DROSHA: variants seen among roughly 807,000 people sequenced by gnomAD.
The protein encoded by DROSHA is ribonuclease 3.
In DROSHA, 56 loss-of-function variants were observed where a neutral mutation model predicts 181.9. The ratio of observed to expected loss-of-function variants is 0.31; its 90% CI spans 0.25 to 0.38. The LOEUF is 0.38. DROSHA is among the 10% of genes least tolerant of loss of function. DROSHA has a pLI of 1.00. For synonymous variants in DROSHA, 524 were observed against 591.2 expected (o/e 0.89, Z 1.65); for missense variants, 1,218 against 1,743.5 (o/e 0.70, Z 5.37).
intron 20 of DROSHA, among the ~76,000 whole-genome samples, chr5:31,462,566 G>GA (rs1748522696): frequency 6.7e-6 from 1 of 149,800 alleles, no homozygotes; most frequent in Admixed American, 6.7e-5. Context: ...GTAGAGGAAG[G>GA]ACATTTGTGA....
chr5:31,511,729 A>G (rs984496956), intron 8 of DROSHA, among the ~76,000 whole-genome samples: 1 of 151,810 alleles, frequency 6.6e-6, no homozygotes. Flanking sequence ...GAAACATTAG[A>G]ACAGTTCATC....
chr5:31,424,470 T>G lies in DROSHA; in HGVS notation c.3218A>C (p.Asp1073Ala), dbSNP rs1394064377. ...ATAATTGAGCCAGACTTCGCGCAGG[T>G]CCTGGAAAATGGAGTGATGCCTTTA... ...LFGRLLFNDP[D>A]LREVWLNYPL... is the part of the protein sequence containing the mutation. Residue 1073 changes from aspartate to alanine, a missense_variant and splice_region_variant, in exon 28 of 36, where the codon GAC becomes GCC. By Grantham distance (126) the Asp-to-Ala change is moderately radical (BLOSUM62 -2). Coordinates refer to ENST00000344624, the MANE Select transcript of DROSHA (RefSeq NM_001382508.1). 7 of 1,592,046 alleles carry G rather than the reference T, an allele frequency of 4.4e-6. No homozygotes were observed. Among genetic ancestry groups the G allele is most frequent in the Middle Eastern group, 1.6e-4 (1 of 6,064 alleles).
At chr5:31,419,415 T>G (rs1412369098) in intron 30 of DROSHA, among the ~76,000 whole-genome samples, 1 of 152,144 alleles carries the variant, frequency 6.6e-6, no homozygotes, top group East Asian at 1.9e-4. Context: ...TTAAATACAT[T>G]TTGGATAAAA....
At chr5:31,484,766 A>G in intron 15 of DROSHA, 115 bp downstream of exon 15, 1 of 710,630 alleles carries the variant, frequency 1.4e-6, no homozygotes, top group Middle Eastern at 4.0e-4. Flanking sequence ...TTCTCTGGGT[A>G]TTTAAAAAAT....
chr5:31,424,514 T>A, intron 27 of DROSHA, 43 bp from the exon 28 acceptor site: 1 of 1,561,982 alleles, frequency 6.4e-7, no homozygotes. Context: ...GGGAGCCATT[T>A]AACGCACTCT....
rs1014345240 is a variant in DROSHA, at chr5:31,525,979, A to T, written c.854+100T>A. 8 of 1,163,356 alleles carry T rather than the reference A, an allele frequency of 6.9e-6. No individual in the cohort carries two copies. The Admixed American group carries it at 1.6e-4, about 23-fold the overall frequency. 72.1% of individuals were successfully genotyped at this position (1,163,356 alleles called of 1,614,324 possible). On this transcript the variant is annotated intron_variant, in intron 5 of 35. Coordinates refer to ENST00000344624, the MANE Select transcript of DROSHA (RefSeq NM_001382508.1). ...GTGCTTCCTTTCCTTACATAAATCA[A>T]GATGCCCTACTGGATCCTTTTGGTT...
chr5:31,459,133 T>A (rs1408625115), intron 20 of DROSHA, among the ~76,000 whole-genome samples: 2 of 152,230 alleles, frequency 1.3e-5, no homozygotes, highest in African/African-American at 4.8e-5. Flanking sequence ...AGGTATTTGA[T>A]GATATTACAG....
chr5:31,412,901 T>C (rs1310484772), intron 30 of DROSHA, among the ~76,000 whole-genome samples: 2 of 152,148 alleles, frequency 1.3e-5, no homozygotes, highest in Non-Finnish European at 2.9e-5. Flanking sequence ...AAGTAGAGGC[T>C]GTGGGGGAAT....
In DROSHA at chr5:31,511,042, T is replaced by G; in HGVS notation, c.1425A>C (p.Glu475Asp). The change falls in exon 9 of 36, where the codon GAA becomes GAC. Residue 475 changes from glutamate (E) to aspartate (D), a missense_variant. By Grantham distance (45) the Glu-to-Asp change is conservative (BLOSUM62 2). Coordinates refer to ENST00000344624, the MANE Select transcript of DROSHA (RefSeq NM_001382508.1). ...TTAGTGACTCTGACTCACCTAAATC[T>G]TCATCGAGCTTCGTCTTTGGAGGTT... is the stretch of plus-strand genomic sequence containing the variant. ...PWEPPKTKLD[E>D]DLESSSESEC... 3 of 1,613,940 alleles carry G rather than the reference T, an allele frequency of 1.9e-6. No homozygotes were observed. The highest frequency in any genetic ancestry group is 2.5e-6 in the Non-Finnish European group (3 of 1,179,862).
intron 10 of DROSHA, among the ~76,000 whole-genome samples, chr5:31,504,885 A>G (rs1737724783): frequency 6.6e-6 from 1 of 152,212 alleles, no homozygotes; most frequent in Non-Finnish European, 1.5e-5. Context: ...GAAAATATCA[A>G]TGTCAGCACA....
At chr5:31,421,155 T>C in intron 30 of DROSHA, 117 bp downstream of exon 30, 1 of 787,992 alleles carries the variant, frequency 1.3e-6, no homozygotes, top group East Asian at 2.5e-5. Context: ...ACAAAGCCAA[T>C]GATAAGCTAA....
rs1201089736 is a variant in DROSHA at position 31,484,858 on chromosome 5, C to A, written c.1996+23G>T. On this transcript the variant is annotated intron_variant, in intron 15 of 35. Coordinates refer to ENST00000344624, the MANE Select transcript of DROSHA (RefSeq NM_001382508.1). ...AATGTTCTTCCATAAACACTACTCT[C>A]TTCTTTAAATCCTATTACTTACCTT... 7 of 1,482,238 alleles carry A rather than the reference C, an allele frequency of 4.7e-6. No homozygotes were observed. The East Asian group carries it at 1.7e-4, about 37-fold the overall frequency. The allele number at this position is 1,482,238 out of a possible 1,614,324, so 91.8% of individuals were successfully genotyped here.
At chr5:31,429,696 T>C (rs1467328610) in intron 26 of DROSHA, among the ~76,000 whole-genome samples, 151 bp from the exon 27 acceptor site, 1 of 152,188 alleles carries the variant, frequency 6.6e-6, no homozygotes, top group African/African-American at 2.4e-5. Context: ...AAGGTGACAT[T>C]TCCCCTTTTT....
chr5:31,519,264 A>G (rs1400119070), intron 6 of DROSHA, among the ~76,000 whole-genome samples: 4 of 152,054 alleles, frequency 2.6e-5, no homozygotes, highest in Non-Finnish European at 5.9e-5. Context: ...TAGGTCCTCA[A>G]TGATGTCCAC....
At chr5:31,493,937 T>TTGTGTG (rs67311624) in intron 12 of DROSHA, among the ~76,000 whole-genome samples, 3,361 of 144,578 alleles carry the variant, frequency 0.023, 109 homozygotes, top group East Asian at 0.1. Context: ...TAACCCACCA[T>TTGTGTG]TGTGTGTGTG....
At chr5:31,463,366 C>A (rs1280462339) in intron 20 of DROSHA, among the ~76,000 whole-genome samples, 1 of 152,112 alleles carries the variant, frequency 6.6e-6, no homozygotes, top group Non-Finnish European at 1.5e-5. Flanking sequence ...AAAGCCAACA[C>A]TGATTTTTTA....
chr5:31,501,465 C>A (rs1353864943), intron 11 of DROSHA, among the ~76,000 whole-genome samples: 14 of 151,794 alleles, frequency 9.2e-5, no homozygotes, highest in Admixed American at 6.6e-4. Context: ...ACGAAATTAC[C>A]ACCACCCCCG....
chr5:31,506,246 C>T (rs941334282), intron 10 of DROSHA, among the ~76,000 whole-genome samples: 2 of 151,858 alleles, frequency 1.3e-5, no homozygotes, highest in African/African-American at 4.8e-5. Context: ...CCTGTAATCC[C>T]AGCTACTCAT....
chr5:31,530,374 C>A (rs1373438005), intron 3 of DROSHA, among the ~76,000 whole-genome samples: 2 of 152,084 alleles, frequency 1.3e-5, no homozygotes, highest in Admixed American at 1.3e-4. Context: ...TCACTGCCAA[C>A]AGAATCAAGT....
Sources: gnomAD v4.1 joint callset for allele counts (sites outside exome capture counted in the v4.1 genomes callset) on GRCh38, gnomAD v4.1.1 for gene constraint, MANE v1.5 for transcripts, NCBI Gene and HGNC (gene_info 2026-07-23, HGNC 2026-07-21) for gene names.